The following RBFOX1 variants were observed in gnomAD, a reference collection of about 807,000 sequenced individuals.
RBFOX1 encodes the protein RNA binding protein fox-1 homolog 1.
A neutral mutation model predicts 57.7 loss-of-function variants in RBFOX1; 8 were observed. The observed-to-expected ratio is 0.14, with a 90% CI of 0.08 to 0.25. RBFOX1 has a LOEUF of 0.25. Ranked by LOEUF, RBFOX1 falls within the 10% of genes least tolerant of loss-of-function variation. The pLI is 1.00. For synonymous variants in RBFOX1, 326 were observed against 222.4 expected, an observed-to-expected ratio of 1.47 and a Z score of -4.15; for missense variants, 611 against 548.5, an observed-to-expected ratio of 1.11 and a Z score of -1.14.
In RBFOX1 at chr16:6,448,255, G is replaced by A. The variant is rs182245946; in HGVS notation, c.-64+131198G>A. 5.4e-3 allele frequency among the ~76,000 whole-genome samples: 760 copies of A among 140,568 alleles called. 3 individuals are homozygous for A. Among genetic ancestry groups the A allele is most frequent in the Non-Finnish European group, 7.9e-3 (530 of 66,712 alleles). The allele number at this position is 140,568 out of a possible 152,430, so 92.2% of individuals were successfully genotyped here. ...GCTCACTGCAATCTCCCCCTCCTGGGTTCAAGCAATTCTCCTATCTTAGCC... is the reference window on the plus strand; with the variant it reads ...GCTCACTGCAATCTCCCCCTCCTGGATTCAAGCAATTCTCCTATCTTAGCC... On this transcript the variant is annotated intron_variant, in intron 2 of 15. Transcript: ENST00000550418.
intron 4 of RBFOX1, among the ~76,000 whole-genome samples, chr16:7,322,022 G>A (rs901181798): frequency 1.3e-5 from 2 of 152,326 alleles, no homozygotes; most frequent in African/African-American, 2.4e-5. Flanking sequence ...AGGCTGTATA[G>A]TCTCTGAAAA....
intron 1 of RBFOX1, among the ~76,000 whole-genome samples, chr16:5,298,173 G>C (rs907581472): frequency 6.6e-6 from 1 of 152,172 alleles, no homozygotes; most frequent in Non-Finnish European, 1.5e-5. Flanking sequence ...GATGGTTTAA[G>C]AAAATTTGGA....
intron 3 of RBFOX1, among the ~76,000 whole-genome samples, chr16:5,857,837 C>T (rs1389308457): frequency 6.6e-6 from 1 of 151,846 alleles, no homozygotes; most frequent in Non-Finnish European, 1.5e-5. Context: ...TCCCAGTTAA[C>T]TGGGGAGGCT....
intron 1 of RBFOX1, among the ~76,000 whole-genome samples, chr16:6,206,792 T>C (rs2097258274): frequency 6.6e-6 from 1 of 152,192 alleles, no homozygotes; most frequent in African/African-American, 2.4e-5. Context: ...CCTTTTACTT[T>C]AATGGTGGGT....
At chr16:6,058,487 A>G (rs1016973117) in intron 1 of RBFOX1, among the ~76,000 whole-genome samples, 1 of 152,184 alleles carries the variant, frequency 6.6e-6, no homozygotes, top group Non-Finnish European at 1.5e-5. Flanking sequence ...AAAAGTTATA[A>G]CATTCTTGAT....
At chr16:6,906,625 T>G (rs1438147211) in intron 3 of RBFOX1, among the ~76,000 whole-genome samples, 2 of 152,148 alleles carry the variant, frequency 1.3e-5, no homozygotes, top group Admixed American at 6.5e-5. Flanking sequence ...TGGATTTCCT[T>G]GAGGACAGGA....
At chr16:6,878,333 T>C (rs1396581610) in intron 3 of RBFOX1, among the ~76,000 whole-genome samples, 3 of 152,132 alleles carry the variant, frequency 2.0e-5, no homozygotes, top group Non-Finnish European at 4.4e-5. Flanking sequence ...GCTGGAACAT[T>C]TTATTGCTGA....
chr16:7,185,495 C>T (rs1048667724), intron 4 of RBFOX1, among the ~76,000 whole-genome samples: 1 of 152,172 alleles, frequency 6.6e-6, no homozygotes, highest in African/African-American at 2.4e-5. Flanking sequence ...AGTGATATTG[C>T]ATCCTAATAA....
intron 3 of RBFOX1, among the ~76,000 whole-genome samples, chr16:5,791,273 G>A (rs939722764): frequency 4.6e-5 from 7 of 152,016 alleles, no homozygotes; most frequent in Non-Finnish European, 1.0e-4. Flanking sequence ...ATTTTCTATC[G>A]CACTAAAAAA....
At chr16:6,639,485 A>G (rs2098469829) in intron 2 of RBFOX1, among the ~76,000 whole-genome samples, 1 of 152,176 alleles carries the variant, frequency 6.6e-6, no homozygotes, top group African/African-American at 2.4e-5. Flanking sequence ...GGAGGAATTA[A>G]GACAGTTTTT....
At chr16:5,644,825 A>G (rs1243266158) in intron 3 of RBFOX1, among the ~76,000 whole-genome samples, 2 of 152,156 alleles carry the variant, frequency 1.3e-5, no homozygotes, top group Admixed American at 6.5e-5. Flanking sequence ...CTTTTTGCCA[A>G]TTGTGAATAA....
Position 7,587,071 on chromosome 16 carries a change from G to T in RBFOX1, c.415-176G>T, listed in dbSNP as rs2094166786. Among the ~76,000 whole-genome samples the T allele has an allele frequency of 3.3e-5, 5 of 152,160 alleles. No individual in the cohort carries two copies. The South Asian group carries it at 1.0e-3, about 31-fold the overall frequency. On this transcript the variant is annotated intron_variant, in intron 6 of 15. Transcript: ENST00000550418. ...TTGCCGGTATATTCCATAATAAGGA[G>T]AAAATATGGGTGGTTTTATTTTCTC...
At position 7,712,734 on chromosome 16, in the gene RBFOX1, A is replaced by C. The variant is rs889084247; in HGVS notation, c.*1989A>C. 2.0e-5 allele frequency: 3 copies of C among 152,240 alleles called. No individual in the cohort carries two copies. The East Asian group carries it at 5.8e-4, about 29-fold the overall frequency. The allele number at this position is 152,240 out of a possible 1,614,324, so 9.4% of individuals were successfully genotyped here. A position where few individuals can be genotyped will look rare whatever the true frequency, so the allele number is the denominator to read the frequency against. The stretch of plus-strand genomic sequence containing the variant: ...ATGGGTGCCTGGTTGATGTTCTTAA[A>C]GGAAACGAATTATTAAAACACTATG... On this transcript the variant is annotated 3_prime_UTR_variant, in exon 16 of 16. Coordinates refer to ENST00000550418, the MANE Select transcript of RBFOX1 (RefSeq NM_018723.4).
chr16:7,708,930 G>C (rs748273168), intron 14 of RBFOX1, 126 bp from the exon 15 acceptor site: 10 of 785,368 alleles, frequency 1.3e-5, no homozygotes, highest in South Asian at 3.2e-5. Flanking sequence ...CAGCAGAGTA[G>C]AATTTGCTTC....
chr16:6,552,139 T>C (rs2097002669), intron 2 of RBFOX1, among the ~76,000 whole-genome samples: 1 of 152,230 alleles, frequency 6.6e-6, no homozygotes, highest in African/African-American at 2.4e-5. Context: ...TGTGTGTGGC[T>C]AAGCTATGCC....
chr16:6,921,430 G>C (rs548868645), intron 3 of RBFOX1, among the ~76,000 whole-genome samples: 4 of 152,126 alleles, frequency 2.6e-5, no homozygotes, highest in African/African-American at 7.2e-5. Context: ...TCCTGTGACC[G>C]TAAGTCTGAG....
chr16:5,713,730 C>T (rs930396438), intron 3 of RBFOX1, among the ~76,000 whole-genome samples: 2 of 152,188 alleles, frequency 1.3e-5, no homozygotes, highest in African/African-American at 4.8e-5. Context: ...GTGCCCACAG[C>T]ATCACAGAGA....
intron 4 of RBFOX1, among the ~76,000 whole-genome samples, chr16:7,171,356 G>C (rs1159590): frequency 0.88 from 134,599 of 152,260 alleles, 59,545 homozygotes; most frequent in East Asian, 0.98. Flanking sequence ...ATGCTTAGCT[G>C]AGCACTTGAC....
At chr16:5,806,054 G>C (rs1366839958) in intron 3 of RBFOX1, among the ~76,000 whole-genome samples, 1 of 152,080 alleles carries the variant, frequency 6.6e-6, no homozygotes, top group African/African-American at 2.4e-5. Flanking sequence ...GAAACAGCTG[G>C]CATTATTATT....
Sources: allele counts gnomAD v4.1 joint callset (sites outside exome capture counted in the v4.1 genomes callset), GRCh38; gene constraint gnomAD v4.1.1; transcripts MANE v1.5; gene names NCBI Gene and HGNC (gene_info 2026-07-23, HGNC 2026-07-21).